The following CCDC57 variants were observed in gnomAD, a reference collection of about 807,000 sequenced individuals.
CCDC57 encodes coiled-coil domain-containing protein 57.
CCDC57 carries 118 observed loss-of-function variants against 118.9 expected under a neutral mutation model. The observed-to-expected ratio is 0.99, with a 90% CI of 0.86 to 1.16. The LOEUF (loss-of-function observed/expected upper bound fraction) is 1.16. Among genes scored for constraint, CCDC57 ranks in the 50% most tolerant of loss-of-function variants. CCDC57 has a pLI of 0.00. For missense variants in CCDC57, 1,300 were observed against 1,320.7 expected (o/e 0.98, Z 0.24); for synonymous variants, 527 against 532.9 (o/e 0.99, Z 0.15).
Position 82,188,211 on chromosome 17 carries a change from ACGCT to A in CCDC57, c.1052+4_1052+7del. 6.5e-7 allele frequency: 1 copy of A among 1,541,976 alleles called. No homozygotes were observed. Among genetic ancestry groups the A allele is most frequent in the Non-Finnish European group, 8.7e-7 (1 of 1,144,772 alleles). Reference sequence around the variant, plus strand: ...TCACCCTCTGGGTGGAGCCAAGCACACGCTCACTGGTCAATGGCAGCGTCCTTCT... The same window carrying A: ...TCACCCTCTGGGTGGAGCCAAGCACACACTGGTCAATGGCAGCGTCCTTCT... On this transcript the variant is annotated splice_donor_5th_base_variant and intron_variant, in intron 8 of 19. Coordinates refer to ENST00000665763, the Ensembl canonical transcript of CCDC57.
intron 1 of CCDC57, among the ~76,000 whole-genome samples, chr17:82,211,175 G>A (rs1337702649): frequency 6.6e-6 from 1 of 152,144 alleles, no homozygotes; most frequent in African/African-American, 2.4e-5. Context: ...AGCACCAACA[G>A]CCAGGGGCAT....
chr17:82,206,434 G>A (rs1457169260), intron 2 of CCDC57, among the ~76,000 whole-genome samples: 1 of 152,122 alleles, frequency 6.6e-6, no homozygotes, highest in Non-Finnish European at 1.5e-5. Context: ...TTCCATTGTA[G>A]GTCATAAGAT....
At chr17:82,163,280 C>T (rs984257632) in exon 14 of CCDC57, 12 of 1,613,958 alleles carry the variant, frequency 7.4e-6, no homozygotes, top group East Asian at 4.5e-5. Context: ...CCAGAGGATA[C>T]TGGGCCAGCT....
chr17:82,103,916 C>T (rs1010716198), intron 19 of CCDC57, among the ~76,000 whole-genome samples: 1 of 152,176 alleles, frequency 6.6e-6, no homozygotes, highest in East Asian at 1.9e-4. Context: ...ACTTTACAGG[C>T]TCTGGTTTCT....
intron 18 of CCDC57, 120 bp downstream of exon 17, chr17:82,128,373 G>C (rs796435308): frequency 1.5e-6 from 1 of 674,648 alleles, no homozygotes. Context: ...CCCTGATGAC[G>C]GCACAAAGGC....
At chr17:82,184,107 C>T (rs1392128653) in intron 8 of CCDC57, among the ~76,000 whole-genome samples, 175 bp from the exon 8 acceptor site, 28 of 148,620 alleles carry the variant, frequency 1.9e-4, no homozygotes, top group Admixed American at 1.8e-3. Context: ...AACTTCCTGG[C>T]CTAGATGATG....
At chr17:82,128,370 G>A (rs1386337543) in intron 18 of CCDC57, 123 bp downstream of exon 17, 4 of 671,842 alleles carry the variant, frequency 6.0e-6, no homozygotes, top group Non-Finnish European at 1.0e-5. Context: ...AGTCCCTGAT[G>A]ACGGCACAAA....
rs74001574 is a variant in CCDC57, at chr17:82,194,666, C to A, written c.619-527G>T. On this transcript the variant is annotated intron_variant, in intron 5 of 19. Coordinates refer to ENST00000665763, the Ensembl canonical transcript of CCDC57. ...CACCAAAATCAGTCTATTAGGGTGC[C>A]CCATACATGTCCAAGCCCAACAGAC... 2.0e-3 allele frequency among the ~76,000 whole-genome samples: 298 copies of A among 152,276 alleles called. 1 individual carries two copies. Among genetic ancestry groups the A allele is most frequent in the African/African-American group, 6.9e-3 (287 of 41,544 alleles).
chr17:82,146,526 C>T (rs2040759442), intron 16 of CCDC57, among the ~76,000 whole-genome samples: 1 of 152,158 alleles, frequency 6.6e-6, no homozygotes, highest in East Asian at 1.9e-4. Flanking sequence ...ACTTCAGACA[C>T]ACAACACCAT....
chr17:82,145,026 C>CTTTTTTTTTTTTTTTTT (rs63184860), intron 16 of CCDC57, among the ~76,000 whole-genome samples: 4 of 120,264 alleles, frequency 3.3e-5, no homozygotes, highest in Non-Finnish European at 5.1e-5. Flanking sequence ...TTTTTTTTTT[C>CTTTTTTTTTTTTTTTTT]TTTTTTTTTT....
chr17:82,103,747 C>G (rs79803624), intron 19 of CCDC57, among the ~76,000 whole-genome samples: 3 of 152,130 alleles, frequency 2.0e-5, no homozygotes, highest in Non-Finnish European at 4.4e-5. Flanking sequence ...GCCTGGGAGG[C>G]CTGAGCTGGC....
chr17:82,171,091 A>C (rs1394825402), intron 13 of CCDC57, among the ~76,000 whole-genome samples: 1 of 120,578 alleles, frequency 8.3e-6, no homozygotes, highest in African/African-American at 3.1e-5. Context: ...CGGAGGGAGC[A>C]CAAGGAATTC....
At position 82,173,742 on chromosome 17, in the gene CCDC57, C is replaced by A. The variant is rs74990364; in HGVS notation, c.1507-882G>T. On this transcript the variant is annotated intron_variant, in intron 11 of 19. Coordinates refer to ENST00000665763, the Ensembl canonical transcript of CCDC57. The stretch of plus-strand genomic sequence containing the variant: ...GCAACCCGAGAAAAGAGACATGTTA[C>A]CCTAGGGTCAAAGGGCAGGCATAGG... Among the ~76,000 whole-genome samples the A allele has an allele frequency of 4.2e-3, 639 of 152,220 alleles. 3 individuals are homozygous for A. Among genetic ancestry groups the A allele is most frequent in the African/African-American group, 0.015 (607 of 41,532 alleles).
At chr17:82,104,230 C>A (rs111640814) in intron 19 of CCDC57, among the ~76,000 whole-genome samples, 9 of 152,366 alleles carry the variant, frequency 5.9e-5, no homozygotes, top group African/African-American at 2.2e-4. Context: ...TCTCTTTCTG[C>A]GTTGGGCTGA....
intron 2 of CCDC57, among the ~76,000 whole-genome samples, chr17:82,204,323 C>T (rs1040847531): frequency 6.6e-6 from 1 of 152,124 alleles, no homozygotes; most frequent in African/African-American, 2.4e-5. Flanking sequence ...TCTCCCTCAG[C>T]TCCTACAACG....
intron 4 of CCDC57, among the ~76,000 whole-genome samples, chr17:82,196,181 C>G (rs1016735285): frequency 1.3e-5 from 2 of 152,234 alleles, no homozygotes; most frequent in African/African-American, 2.4e-5. Flanking sequence ...TGGGCAGGAC[C>G]ACCCACAGCT....
intron 19 of CCDC57, chr17:82,113,590 C>A: frequency 2.8e-6 from 2 of 717,610 alleles, no homozygotes; most frequent in East Asian, 2.7e-5. Flanking sequence ...CTGGAGCCCA[C>A]GTGCTCCTTA....
In CCDC57 at chr17:82,212,395, CTCTTTT is replaced by C. The variant is rs1568519732; in HGVS notation, c.-211+384_-211+389del. 8.8e-4 allele frequency among the ~76,000 whole-genome samples: 118 copies of C among 134,214 alleles called. 2 individuals are homozygous for C. Among genetic ancestry groups the C allele is most frequent in the South Asian group, 8.1e-3 (35 of 4,304 alleles). The allele number at this position is 134,214 out of a possible 152,430, so 88.0% of individuals were successfully genotyped here. ...ACCGCCTCCGGCCTTTTTTTTTCCT[CTCTTTT>C]TTTTTTTTTTTTTTTAAACTCACAG... On this transcript the variant is annotated intron_variant, in intron 1 of 19. Transcript: ENST00000665763. The surrounding 1 kb of genome is among the most constrained non-coding windows in gnomAD (Gnocchi z 4.1).
In CCDC57 at chr17:82,118,654, G is replaced by C. The variant is rs1157448481; in HGVS notation, c.2899+9038C>G. On this transcript the variant is annotated intron_variant, in intron 19 of 19. Transcript: ENST00000665763. This position sits in a 1 kb window ranked among gnomAD's most constrained non-coding sequence, Gnocchi z 4.7. ...AGAAGCAGGTATTTCTTTGGGGTGA[G>C]GTCAGACATCTGCCTGGGTGCTTCT... Among the ~76,000 whole-genome samples the C allele has an allele frequency of 6.6e-6, 1 of 152,070 alleles. No individual in the cohort carries two copies. Among genetic ancestry groups the C allele is most frequent in the Non-Finnish European group, 1.5e-5 (1 of 68,020 alleles).
Sources: gnomAD v4.1 joint callset for allele counts (sites outside exome capture counted in the v4.1 genomes callset) on GRCh38, gnomAD v4.1.1 for gene constraint, Gnocchi (gnomAD v3.1) non-coding constraint, MANE v1.5 for transcripts, NCBI Gene and HGNC (gene_info 2026-07-23, HGNC 2026-07-21) for gene names.